Variants in DMPK observed in about 807,000 individuals in gnomAD.
The protein encoded by DMPK is myotonin-protein kinase.
Under a neutral mutation model 70.3 loss-of-function variants are expected in DMPK, and 32 were observed. The ratio of observed to expected loss-of-function variants is 0.46; its 90% CI spans 0.34 to 0.61. The LOEUF (loss-of-function observed/expected upper bound fraction) is 0.61, where lower values mean the gene tolerates loss of function less well. Ranked by LOEUF, DMPK falls within the 20% of genes least tolerant of loss-of-function variation. DMPK has a pLI of 0.01. For missense variants in DMPK, 899 were observed against 886.0 expected, an observed-to-expected ratio of 1.01 and a Z score of -0.19; for synonymous variants, 469 against 390.9, an observed-to-expected ratio of 1.20 and a Z score of -2.36.
chr19:45,779,849 G>A lies in DMPK; in HGVS notation c.181C>T (p.Leu61Phe), dbSNP rs746744094. 6.2e-7 allele frequency: 1 copy of A among 1,611,786 alleles called. No homozygotes were observed. Among genetic ancestry groups the A allele is most frequent in the Non-Finnish European group, 8.5e-7 (1 of 1,178,994 alleles). ...TCCCTCTGCAGTCGGACCTCCTTAA[G>A]CCTCACCACGATGGGCTCCGCTGGG... Reference protein sequence around the residue: ...LQWAEPIVVRLKEVRLQRDDF... With the variant: ...LQWAEPIVVRFKEVRLQRDDF... The change falls in exon 2 of 15, where the codon CTT becomes TTT. Residue 61 changes from leucine (L) to phenylalanine (F), a missense_variant. Around this residue, in one of 3 missense-constraint regions of DMPK, gnomAD observed 149 missense variants for 142.5 expected, o/e 1.05. Coordinates refer to ENST00000291270, the MANE Select transcript of DMPK (RefSeq NM_004409.5).
intron 1 of DMPK, among the ~76,000 whole-genome samples, chr19:45,781,454 G>A (rs1261211290): frequency 3.9e-5 from 6 of 151,912 alleles, no homozygotes. Flanking sequence ...TGGGCCAGGA[G>A]AACTAAAGGA....
rs1012432006 is a variant in DMPK at position 45,777,416 on chromosome 19, G to C, written c.1057C>G (p.Pro353Ala). The part of the protein sequence containing the change: ...DWDGLRDSVP[P>A]FTPDFEGATD... ...GCACCTTCGAAATCCGGTGTAAAGGGGGGCACGCTGTCCCGGAGACCATCC... is the reference window on the plus strand; with the variant it reads ...GCACCTTCGAAATCCGGTGTAAAGGCGGGCACGCTGTCCCGGAGACCATCC... The change falls in exon 8 of 15, where the codon CCC becomes GCC. Residue 353 changes from proline to alanine, a missense_variant. By Grantham distance (27) the Pro-to-Ala change is conservative (BLOSUM62 -1). Around this residue, in one of 3 missense-constraint regions of DMPK, gnomAD observed 555 missense variants for 483.8 expected, o/e 1.15. Transcript: ENST00000291270. The surrounding 1 kb of genome is among the most constrained non-coding windows in gnomAD (Gnocchi z 6.7). 1 of 1,613,380 alleles carries C rather than the reference G, an allele frequency of 6.2e-7. No individual in the cohort carries two copies. Among genetic ancestry groups the C allele is most frequent in the Non-Finnish European group, 8.5e-7 (1 of 1,179,960 alleles).
rs1168180598 is a variant in DMPK at position 45,770,092 on chromosome 19, C to T, written c.*396G>A. ...TGCGAACCAACGATAGGTGGGGGTG[C>T]GTGGAGGATGGAACACGGACGGCCC... On this transcript the variant is annotated 3_prime_UTR_variant, in exon 15 of 15. Transcript: ENST00000291270. 7 of 547,636 alleles carry T rather than the reference C, an allele frequency of 1.3e-5. 1 individual carries two copies. Among genetic ancestry groups the T allele is most frequent in the Admixed American group, 2.6e-5 (1 of 38,468 alleles). 33.9% of individuals were successfully genotyped at this position (547,636 alleles called of 1,614,324 possible).
Position 45,777,377 on chromosome 19 carries a change from T to C in DMPK, c.1096A>G (p.Asn366Asp). 6.2e-7 allele frequency: 1 copy of C among 1,608,616 alleles called. No homozygotes were observed. The highest frequency in any genetic ancestry group is 8.5e-7 in the Non-Finnish European group (1 of 1,176,690). Residue 366 changes from asparagine (N) to aspartate (D), a missense_variant, in exon 8 of 15, where the codon AAC becomes GAC. Physicochemically the swap from Asn to Asp is conservative, Grantham distance 23. This residue lies in a region of DMPK where 555 missense variants were observed against 483.8 expected (regional missense o/e 1.15). Transcript: ENST00000291270. The surrounding 1 kb of genome is among the most constrained non-coding windows in gnomAD (Gnocchi z 6.7). ...PDFEGATDTCNFDLVEDGLTA... is the reference protein window; with the variant it reads ...PDFEGATDTCDFDLVEDGLTA... ...AGCCCGTCCTCCACCAAGTCGAAGT[T>C]GCATGTGTCGGTGGCACCTTCGAAA...
At chr19:45,770,912 A>G in intron 14 of DMPK, 59 bp downstream of exon 14, 1 of 1,252,728 alleles carries the variant, frequency 8.0e-7, no homozygotes, top group Non-Finnish European at 1.1e-6. Context: ...AGCGGGTGGC[A>G]AGGGGCGGGT....
At chr19:45,774,858 G>C (rs557328143) in intron 9 of DMPK, 91 bp downstream of exon 9, 273 of 1,020,236 alleles carry the variant, frequency 2.7e-4, no homozygotes, top group Admixed American at 5.8e-4. Flanking sequence ...TTCCAAGACT[G>C]ATCCTGCAAC....
intron 1 of DMPK, chr19:45,780,427 T>C: frequency 7.5e-7 from 1 of 1,335,912 alleles, no homozygotes; most frequent in Non-Finnish European, 9.8e-7. Flanking sequence ...CATGGTCACA[T>C]ATCCCAGACT....
rs748152953 is a variant in DMPK at position 45,771,670 on chromosome 19, G to C, written c.1503-5C>G. The C allele has an allele frequency of 2.0e-5, 32 of 1,613,880 alleles. No homozygotes were observed. Among genetic ancestry groups the C allele is most frequent in the Non-Finnish European group, 2.7e-5 (32 of 1,179,912 alleles). On this transcript the variant is annotated splice_polypyrimidine_tract_variant and splice_region_variant and intron_variant, in intron 11 of 14. Transcript: ENST00000291270. ...GCCTCTGCCTCGCGTAGTTGACTGTGGGGAGGTAAGGACGGTGAGTCCGTC... is the reference window on the plus strand; with the variant it reads ...GCCTCTGCCTCGCGTAGTTGACTGTCGGGAGGTAAGGACGGTGAGTCCGTC...
In DMPK at chr19:45,778,173, C is replaced by A. The variant is rs372404776; in HGVS notation, c.629G>T (p.Arg210Leu). The change falls in exon 6 of 15, where the codon CGC becomes CTC. Residue 210 changes from arginine (R) to leucine (L), a missense_variant. Around this residue, in one of 3 missense-constraint regions of DMPK, gnomAD observed 195 missense variants for 259.7 expected, o/e 0.75. Transcript: ENST00000291270. ...GAGGCAAGAGCCGAAGTCGGCCAGG[C>A]GGATGTGGCCACAGCGGTCCAGCAG... is the stretch of plus-strand genomic sequence containing the variant. ...NILLDRCGHI[R>L]LADFGSCLKL... 2 of 1,613,652 alleles carry A rather than the reference C, an allele frequency of 1.2e-6. No homozygotes were observed. Among genetic ancestry groups the A allele is most frequent in the Non-Finnish European group, 1.7e-6 (2 of 1,179,916 alleles).
chr19:45,770,052 G>C lies in DMPK; in HGVS notation c.*436C>G. The C allele has an allele frequency of 2.2e-6, 1 of 455,414 alleles. No individual in the cohort carries two copies. The highest frequency in any genetic ancestry group is 4.1e-6 in the Non-Finnish European group (1 of 242,480). 28.2% of individuals were successfully genotyped at this position (455,414 alleles called of 1,614,324 possible). ...CCCCAGAGCAGGGCGTCATGCACAA[G>C]AAAGCTTTGCACTTTGCGAACCAAC... On this transcript the variant is annotated 3_prime_UTR_variant, in exon 15 of 15. Coordinates refer to ENST00000291270, the MANE Select transcript of DMPK (RefSeq NM_004409.5).
Position 45,778,577 on chromosome 19 carries a change from C to T in DMPK, c.497G>A (p.Arg166Gln), listed in dbSNP as rs760881334. The T allele has an allele frequency of 4.8e-5, 78 of 1,613,912 alleles. No homozygotes were observed. Among genetic ancestry groups the T allele is most frequent in the Non-Finnish European group, 6.3e-5 (74 of 1,180,036 alleles). ...LLTLLSKFGE[R>Q]IPAEMARFYL... is the part of the protein sequence containing the mutation. ...GAAGCGCGCCATCTCGGCCGGAATC[C>T]GCTCCCCAAACTTGCTCAGCAGTGT... The change falls in exon 5 of 15, where the codon CGG becomes CAG. Residue 166 changes from arginine to glutamine, a missense_variant. Physicochemically the swap from Arg to Gln is conservative, Grantham distance 43. Coordinates refer to ENST00000291270, the MANE Select transcript of DMPK (RefSeq NM_004409.5).
chr19:45,771,825 T>C lies in DMPK; in HGVS notation c.1448A>G (p.Gln483Arg). The change falls in exon 11 of 15, where the codon CAG becomes CGG. Residue 483 changes from glutamine (Q) to arginine (R), a missense_variant. Gln to Arg is a conservative substitution (Grantham distance 43). Coordinates refer to ENST00000291270, the MANE Select transcript of DMPK (RefSeq NM_004409.5). ...EALEEEVLTR[Q>R]SLSREMEAIR... ...GGCCTCCATCTCCCGGCTCAGGCTCTGCCGGGTGAGCACCTCCTCCTCCAG... is the reference window on the plus strand; with the variant it reads ...GGCCTCCATCTCCCGGCTCAGGCTCCGCCGGGTGAGCACCTCCTCCTCCAG... The C allele has an allele frequency of 6.4e-7, 1 of 1,572,052 alleles. No homozygotes were observed. The highest frequency in any genetic ancestry group is 8.6e-7 in the Non-Finnish European group (1 of 1,158,682).
At position 45,782,376 on chromosome 19, in the gene DMPK, C is replaced by A. The variant is rs528385615; in HGVS notation, c.-24G>T. The A allele has an allele frequency of 1.3e-5, 20 of 1,532,746 alleles. No individual in the cohort carries two copies. In the Admixed American group the frequency reaches 2.7e-4, roughly 21 times the overall value. 94.9% of individuals were successfully genotyped at this position (1,532,746 alleles called of 1,614,324 possible). A position where few individuals can be genotyped will look rare whatever the true frequency, so the allele number is the denominator to read the frequency against. ...ATGTTGGACAGGCAGCACCATGGCC[C>A]CTCCCCGGGCCGGGGGCTCGGGGTC... is the stretch of plus-strand genomic sequence containing the variant. On this transcript the variant is annotated 5_prime_UTR_variant, in exon 1 of 15. Transcript: ENST00000291270.
chr19:45,777,586 T>C lies in DMPK; in HGVS notation c.887A>G (p.His296Arg), dbSNP rs1600437781. 6.2e-7 allele frequency: 1 copy of C among 1,612,698 alleles called. No individual in the cohort carries two copies. Among genetic ancestry groups the C allele is most frequent in the African/African-American group, 1.3e-5 (1 of 74,822 alleles). The change falls in exon 8 of 15, where the codon CAC becomes CGC. Residue 296 changes from histidine to arginine, a missense_variant. Physicochemically the swap from His to Arg is conservative, Grantham distance 29. Around this residue, in one of 3 missense-constraint regions of DMPK, gnomAD observed 555 missense variants for 483.8 expected, o/e 1.15. Coordinates refer to ENST00000291270, the MANE Select transcript of DMPK (RefSeq NM_004409.5). This position sits in a 1 kb window ranked among gnomAD's most constrained non-coding sequence, Gnocchi z 6.7. ...TYGKIVHYKE[H>R]LSLPLVDEGV... ...TTCGTCCACCAGCGGCAGAGAGAGGTGCTCCTGCTCAGAGGGAGAGGAGGC... is the reference window on the plus strand; with the variant it reads ...TTCGTCCACCAGCGGCAGAGAGAGGCGCTCCTGCTCAGAGGGAGAGGAGGC...
At chr19:45,773,416 G>A (rs908865150) in intron 9 of DMPK, among the ~76,000 whole-genome samples, 1 of 152,166 alleles carries the variant, frequency 6.6e-6, no homozygotes, top group African/African-American at 2.4e-5. Context: ...TATAGTATGT[G>A]TAATGTTGTC....
rs986673828 is a variant in DMPK at position 45,771,048 on chromosome 19, G to A, written c.1660C>T (p.Pro554Ser). The part of the protein sequence containing the change: ...TDPPSHLDGP[P>S]AVAVGQCPLV... ...GGGCACTGGCCCACAGCCACGGCCG[G>A]GGGGCCATCTAGCTGGAGAGAGAAG... Residue 554 changes from proline to serine, a missense_variant, in exon 14 of 15, where the codon CCG becomes TCG. By Grantham distance (74) the Pro-to-Ser change is moderately conservative. Transcript: ENST00000291270. 9.2e-6 allele frequency: 14 copies of A among 1,517,890 alleles called. 1 individual carries two copies. The highest frequency in any genetic ancestry group is 1.4e-5 in the African/African-American group (1 of 71,186). 94.0% of individuals were successfully genotyped at this position (1,517,890 alleles called of 1,614,324 possible). A position where few individuals can be genotyped will look rare whatever the true frequency, so the allele number is the denominator to read the frequency against.
At chr19:45,771,131 G>T in intron 13 of DMPK, 71 bp from the exon 14 acceptor site, 1 of 1,292,028 alleles carries the variant, frequency 7.7e-7, no homozygotes. Context: ...GAGAGACAGC[G>T]AGGGGAATCG....
chr19:45,780,191 G>A (rs1339352727), intron 1 of DMPK: 42 of 1,454,050 alleles, frequency 2.9e-5, no homozygotes, highest in Non-Finnish European at 3.6e-5. Context: ...AGGGGAGAAG[G>A]AAATAAGACC....
At chr19:45,774,507 C>T (rs2146237858) in intron 9 of DMPK, among the ~76,000 whole-genome samples, 1 of 152,286 alleles carries the variant, frequency 6.6e-6, no homozygotes, top group East Asian at 1.9e-4. Context: ...CATGATCCAC[C>T]TGCCTTGGCC....
Sources: allele counts gnomAD v4.1 joint callset (sites outside exome capture counted in the v4.1 genomes callset), GRCh38; gene constraint gnomAD v4.1.1; regional missense constraint gnomAD v4.1.1; non-coding constraint Gnocchi (gnomAD v3.1); transcripts MANE v1.5; gene names NCBI Gene and HGNC (gene_info 2026-07-23, HGNC 2026-07-21).